The following POU2F3 variants were observed in gnomAD, a reference collection of about 807,000 sequenced individuals.
The protein encoded by POU2F3 is POU class 2 homeobox 3.
Under a neutral mutation model 59.2 loss-of-function variants are expected in POU2F3, and 23 were observed. That is an observed-to-expected ratio of 0.39 (90% CI 0.28 to 0.55). POU2F3 has a LOEUF of 0.55. Among genes scored for constraint, POU2F3 ranks in the 20% least tolerant of loss-of-function variants. The pLI is 0.66. For synonymous variants in POU2F3, 190 were observed against 214.6 expected (o/e 0.89, Z 1.00); for missense variants, 473 against 544.5 (o/e 0.87, Z 1.31).
Position 120,289,320 on chromosome 11 carries a change from T to C in POU2F3, c.133-8945T>C, listed in dbSNP as rs1940937651. 2.0e-5 allele frequency among the ~76,000 whole-genome samples: 3 copies of C among 152,220 alleles called. No individual in the cohort carries two copies. The South Asian group carries it at 6.2e-4, about 32-fold the overall frequency. On this transcript the variant is annotated intron_variant, in intron 3 of 12. Coordinates refer to ENST00000543440, the MANE Select transcript of POU2F3 (RefSeq NM_014352.4). Reference sequence around the variant, plus strand: ...TCTCCAGTCTGCGCTGTTTGGGCCTTAGGCTCATCTTCTTGAGTTCTTACT... The same window carrying C: ...TCTCCAGTCTGCGCTGTTTGGGCCTCAGGCTCATCTTCTTGAGTTCTTACT...
chr11:120,303,381 C>A (rs1941401655), intron 6 of POU2F3: 2 of 152,110 alleles, frequency 1.3e-5, no homozygotes, highest in African/African-American at 4.8e-5. Context: ...AGCAGAGAGA[C>A]CACATAGAAG....
chr11:120,247,241 AT>A (rs368874239), intron 2 of POU2F3, among the ~76,000 whole-genome samples: 1 of 152,238 alleles, frequency 6.6e-6, no homozygotes, highest in Admixed American at 6.5e-5. Flanking sequence ...GCACCACCAA[AT>A]AACTTTAATA....
At chr11:120,263,822 T>C (rs1033845462) in intron 2 of POU2F3, among the ~76,000 whole-genome samples, 2 of 152,224 alleles carry the variant, frequency 1.3e-5, no homozygotes, top group African/African-American at 4.8e-5. Context: ...GAGCCAGGGC[T>C]TGGAAATAGA....
chr11:120,240,411 C>A, intron 1 of POU2F3, 40 bp downstream of exon 1: 2 of 1,363,160 alleles, frequency 1.5e-6, no homozygotes, highest in Non-Finnish European at 1.9e-6. Flanking sequence ...GGTGTCACTG[C>A]GCGTGGGCAG....
In POU2F3 at chr11:120,277,713, C is replaced by T. The variant is rs535974596; in HGVS notation, c.132+8469C>T. Among the ~76,000 whole-genome samples, 9 of 152,068 alleles carry T rather than the reference C, an allele frequency of 5.9e-5. No homozygotes were observed. In the South Asian group the frequency reaches 1.2e-3, roughly 21 times the overall value. ...ACAAGAATCACTTGAATCCGGGAGG[C>T]GGAGGTTGCAGTGAGCTGAGATCAC... On this transcript the variant is annotated intron_variant, in intron 3 of 12. Coordinates refer to ENST00000543440, the MANE Select transcript of POU2F3 (RefSeq NM_014352.4).
In POU2F3 at chr11:120,269,077, C is replaced by T; in HGVS notation, c.98-133C>T. 4.7e-6 allele frequency: 3 copies of T among 632,932 alleles called. No homozygotes were observed. In the South Asian group the frequency reaches 6.4e-5, roughly 14 times the overall value. The allele number at this position is 632,932 out of a possible 1,614,324, so 39.2% of individuals were successfully genotyped here. On this transcript the variant is annotated intron_variant, in intron 2 of 12. Transcript: ENST00000543440. ...CAGGAAACAGGTCGAGGAGGAGGAT[C>T]CCAACCACAAGCGAAGCAGGTGCTC... is the stretch of plus-strand genomic sequence containing the variant.
chr11:120,239,289 G>A (rs797020989), upstream of POU2F3, among the ~76,000 whole-genome samples: 6 of 152,360 alleles, frequency 3.9e-5, no homozygotes, highest in African/African-American at 1.2e-4. Flanking sequence ...GGGACTTGAA[G>A]AGACGAAGAG....
intron 3 of POU2F3, among the ~76,000 whole-genome samples, chr11:120,289,537 C>T (rs1940946110): frequency 6.6e-6 from 1 of 152,102 alleles, no homozygotes; most frequent in Non-Finnish European, 1.5e-5. Context: ...TGCCATGGGC[C>T]CCTGCCTGCT....
At chr11:120,303,641 A>G (rs559100333) in intron 6 of POU2F3, 4 of 152,310 alleles carry the variant, frequency 2.6e-5, no homozygotes, top group African/African-American at 7.2e-5. Context: ...GGTCTGGTCT[A>G]TGCCACACTC....
chr11:120,292,382 A>C (rs1422632122), intron 3 of POU2F3, among the ~76,000 whole-genome samples: 1 of 151,740 alleles, frequency 6.6e-6, no homozygotes, highest in Non-Finnish European at 1.5e-5. Context: ...AAAAACAAAA[A>C]AAAAGTGTGA....
At chr11:120,308,224 C>T (rs536827335) in intron 9 of POU2F3, among the ~76,000 whole-genome samples, 25 of 152,258 alleles carry the variant, frequency 1.6e-4, no homozygotes, top group African/African-American at 4.6e-4. Flanking sequence ...CTGTGAGCCC[C>T]GTGTGGGCTG....
At chr11:120,248,532 C>T (rs999943665) in intron 2 of POU2F3, among the ~76,000 whole-genome samples, 6 of 152,134 alleles carry the variant, frequency 3.9e-5, no homozygotes, top group African/African-American at 1.4e-4. Context: ...GCTCATTCCC[C>T]GCTTTACTCA....
At position 120,318,389 on chromosome 11, in the gene POU2F3, C is replaced by G. The variant is rs754693778; in HGVS notation, c.1308C>G (p.His436Gln). ...GATGGAATCATTCCACCTACCTCCA[C>G]TGAGACCAAAAAGTTTCTCCTACTC... ...WYRWNHSTYL[H>Q] Residue 436 changes from histidine (H) to glutamine (Q), a missense_variant, in exon 13 of 13, where the codon CAC (histidine) becomes CAG (glutamine). Coordinates refer to ENST00000543440, the MANE Select transcript of POU2F3 (RefSeq NM_014352.4). The G allele has an allele frequency of 6.9e-6, 11 of 1,602,636 alleles. No homozygotes were observed. In the South Asian group the frequency reaches 1.2e-4, roughly 18 times the overall value.
At chr11:120,306,046 C>T (rs569700057) in intron 8 of POU2F3, among the ~76,000 whole-genome samples, 1 of 152,302 alleles carries the variant, frequency 6.6e-6, no homozygotes, top group South Asian at 2.1e-4. Flanking sequence ...CCTACCCCAT[C>T]CCACCCAGCA....
At chr11:120,247,740 G>C (rs571919284) in intron 2 of POU2F3, among the ~76,000 whole-genome samples, 4 of 152,330 alleles carry the variant, frequency 2.6e-5, no homozygotes, top group Non-Finnish European at 5.9e-5. Context: ...AGTTCAGCTA[G>C]AGAGTGATAG....
chr11:120,291,733 G>C (rs970141143), intron 3 of POU2F3, among the ~76,000 whole-genome samples: 1 of 152,038 alleles, frequency 6.6e-6, no homozygotes, highest in Non-Finnish European at 1.5e-5. Context: ...AATGGGTCTT[G>C]TAACATAGCA....
In POU2F3 at chr11:120,305,047, G is replaced by T. The variant is rs759361052; in HGVS notation, c.462G>T (p.Gly154=). 3.1e-6 allele frequency: 5 copies of T among 1,610,362 alleles called. No individual in the cohort carries two copies. Among genetic ancestry groups the T allele is most frequent in the Non-Finnish European group, 4.2e-6 (5 of 1,178,012 alleles). The change falls in exon 7 of 13, where the codon GGG becomes GGT. Residue 154 remains glycine (G), a synonymous_variant. Coordinates refer to ENST00000543440, the MANE Select transcript of POU2F3 (RefSeq NM_014352.4). ...GLASQAFGHP[G]LPGSSLEPHL... ...CCTATCAGGCATTTGGGCACCCTGG[G>T]CTGCCAGGATCCTCTTTAGAACCCC...
upstream of POU2F3, chr11:120,236,801 T>C: frequency 1.6e-6 from 2 of 1,261,296 alleles, no homozygotes; most frequent in Non-Finnish European, 2.2e-6. Flanking sequence ...TGCTCACCAT[T>C]CCCCCTCAAC....
rs150230404 is a variant in POU2F3 at position 120,273,085 on chromosome 11, G to A, written c.132+3841G>A. Among the ~76,000 whole-genome samples, 529 of 152,278 alleles carry A rather than the reference G, an allele frequency of 3.5e-3. 3 individuals carry two copies. Among genetic ancestry groups the A allele is most frequent in the African/African-American group, 0.012 (494 of 41,544 alleles). On this transcript the variant is annotated intron_variant, in intron 3 of 12. Coordinates refer to ENST00000543440, the MANE Select transcript of POU2F3 (RefSeq NM_014352.4). ...TTATTTGTCCATTGAAGAGAAATCA[G>A]GAAGAAAGTCACCCTTGAGCTGTAG... is the stretch of plus-strand genomic sequence containing the variant.
Sources: allele counts gnomAD v4.1 joint callset (sites outside exome capture counted in the v4.1 genomes callset), GRCh38; gene constraint gnomAD v4.1.1; transcripts MANE v1.5; gene names NCBI Gene and HGNC (gene_info 2026-07-23, HGNC 2026-07-21).